NPAS2: variants seen among roughly 807,000 people sequenced by gnomAD.
NPAS2 encodes neuronal PAS domain protein 2, also known as neuronal PAS domain-containing protein 2.
NPAS2 carries 23 observed loss-of-function variants against 107.5 expected under a neutral mutation model. The observed-to-expected ratio is 0.21, with a 90% CI of 0.15 to 0.30. The LOEUF (loss-of-function observed/expected upper bound fraction) is 0.30. Among genes scored for constraint, NPAS2 ranks in the 10% least tolerant of loss-of-function variants. NPAS2 has a pLI of 1.00. For synonymous variants in NPAS2, 403 were observed against 417.5 expected, an observed-to-expected ratio of 0.97 and a Z score of 0.42; for missense variants, 756 against 1,043.3, an observed-to-expected ratio of 0.72 and a Z score of 3.79.
intron 16 of NPAS2, 90 bp downstream of exon 16, chr2:100,982,467 A>C: frequency 6.8e-7 from 1 of 1,481,238 alleles, no homozygotes; most frequent in Non-Finnish European, 9.1e-7. Flanking sequence ...CTTCCTCCCA[A>C]GCCCTGTGAA....
chr2:100,906,886 A>G (rs1307624602), intron 2 of NPAS2, among the ~76,000 whole-genome samples: 3 of 152,232 alleles, frequency 2.0e-5, no homozygotes, highest in Admixed American at 1.3e-4. Flanking sequence ...GGTTGAGTAC[A>G]TTGTCAGAGA....
chr2:100,871,209 C>A (rs1365754793), intron 1 of NPAS2, among the ~76,000 whole-genome samples: 1 of 152,180 alleles, frequency 6.6e-6, no homozygotes, highest in Non-Finnish European at 1.5e-5. Flanking sequence ...TGGCTACTTT[C>A]CCACTGTGGT....
chr2:100,851,494 C>A (rs950994015), intron 1 of NPAS2, among the ~76,000 whole-genome samples: 3 of 152,176 alleles, frequency 2.0e-5, no homozygotes, highest in African/African-American at 7.2e-5. Flanking sequence ...GTAAGCCCAA[C>A]TCAAGGAAAG....
intron 7 of NPAS2, among the ~76,000 whole-genome samples, chr2:100,957,140 C>A (rs1293767202): frequency 6.6e-6 from 1 of 152,218 alleles, no homozygotes. Context: ...CAGGACTTCA[C>A]ATCTTTAACC....
chr2:100,877,348 C>T (rs1680035349), intron 1 of NPAS2, among the ~76,000 whole-genome samples: 1 of 150,864 alleles, frequency 6.6e-6, no homozygotes, highest in South Asian at 2.1e-4. Flanking sequence ...GCCTGTAGTC[C>T]CAGCTACTCT....
intron 15 of NPAS2, among the ~76,000 whole-genome samples, chr2:100,981,442 C>T (rs1222753982): frequency 1.3e-5 from 2 of 152,140 alleles, no homozygotes; most frequent in Non-Finnish European, 2.9e-5. Flanking sequence ...TTCCTGGAAG[C>T]GGAGGAGCCT....
intron 1 of NPAS2, among the ~76,000 whole-genome samples, chr2:100,828,115 G>T (rs561641464): frequency 1.1e-4 from 16 of 152,186 alleles, no homozygotes; most frequent in Non-Finnish European, 2.2e-4. Flanking sequence ...ATTCTGGCTG[G>T]TGTGAGATGG....
At chr2:100,894,979 C>A (rs1416969613) in intron 1 of NPAS2, among the ~76,000 whole-genome samples, 1 of 152,180 alleles carries the variant, frequency 6.6e-6, no homozygotes, top group Non-Finnish European at 1.5e-5. Context: ...TGGCAAGGTG[C>A]CTTTTAAAAT....
At chr2:100,913,221 C>A (rs1194814793) in intron 2 of NPAS2, among the ~76,000 whole-genome samples, 1 of 152,186 alleles carries the variant, frequency 6.6e-6, no homozygotes, top group African/African-American at 2.4e-5. Context: ...ATCTGCATAC[C>A]TATTTGTACC....
At chr2:100,883,745 T>C (rs1490695867) in intron 1 of NPAS2, among the ~76,000 whole-genome samples, 1 of 152,058 alleles carries the variant, frequency 6.6e-6, no homozygotes, top group Non-Finnish European at 1.5e-5. Flanking sequence ...AAACCTCATA[T>C]TTATATGAGG....
intron 1 of NPAS2, among the ~76,000 whole-genome samples, chr2:100,832,785 C>A (rs1303264398): frequency 6.6e-6 from 1 of 152,072 alleles, no homozygotes; most frequent in Non-Finnish European, 1.5e-5. Context: ...TCTTGGGCTC[C>A]CAGTTTCTGG....
At chr2:100,987,813 G>A in intron 16 of NPAS2, 1 of 511,780 alleles carries the variant, frequency 2.0e-6, no homozygotes, top group Non-Finnish European at 3.5e-6. Flanking sequence ...GGTCTAAACA[G>A]CTTTCACATT....
At chr2:100,908,272 A>AGTATG (rs1682298230) in intron 2 of NPAS2, among the ~76,000 whole-genome samples, 1 of 152,122 alleles carries the variant, frequency 6.6e-6, no homozygotes, top group Non-Finnish European at 1.5e-5. Flanking sequence ...GGCACAGTGC[A>AGTATG]GTATGCAGTG....
At chr2:100,934,700 T>C in intron 4 of NPAS2, 1 of 725,940 alleles carries the variant, frequency 1.4e-6, no homozygotes, top group Non-Finnish European at 1.7e-6. Context: ...GACCTAGTGC[T>C]GAGTGACTGG....
intron 1 of NPAS2, among the ~76,000 whole-genome samples, chr2:100,824,859 C>T (rs1676278446): frequency 6.6e-6 from 1 of 152,166 alleles, no homozygotes; most frequent in Non-Finnish European, 1.5e-5. Context: ...AAACCAAGTT[C>T]TAAGAGAATG....
chr2:100,996,622 T>G lies in NPAS2; in HGVS notation c.*1040T>G, dbSNP rs1192281387. 6.5e-6 allele frequency: 1 copy of G among 152,686 alleles called. No individual in the cohort carries two copies. The highest frequency in any genetic ancestry group is 2.4e-5 in the African/African-American group (1 of 41,474). 9.5% of individuals were successfully genotyped at this position (152,686 alleles called of 1,614,324 possible). A position where few individuals can be genotyped will look rare whatever the true frequency, so the allele number is the denominator to read the frequency against. ...GTTGAGATGTTTCTAAAGAAAAGAT[T>G]TTATGTAATTATAAGATGAAGCGTA... On this transcript the variant is annotated 3_prime_UTR_variant, in exon 21 of 21. Transcript: ENST00000335681.
rs544226227 is a variant in NPAS2, at chr2:100,842,707, T to A, written c.-23+22293T>A. Among the ~76,000 whole-genome samples, 12 of 152,266 alleles carry A rather than the reference T, an allele frequency of 7.9e-5. No individual in the cohort carries two copies. The East Asian group carries it at 2.1e-3, about 27-fold the overall frequency. On this transcript the variant is annotated intron_variant, in intron 1 of 20. Transcript: ENST00000335681. ...CCTGTGTCCTTGTCTCTGGGATGTG[T>A]TTGAGGAACTGGACGACAGGTCAGC...
intron 1 of NPAS2, among the ~76,000 whole-genome samples, chr2:100,892,681 G>A (rs1681150054): frequency 6.6e-6 from 1 of 152,048 alleles, no homozygotes; most frequent in African/African-American, 2.4e-5. Flanking sequence ...CCGGCTCTCA[G>A]GCTTTCACTG....
At chr2:100,866,017 T>C (rs1311257641) in intron 1 of NPAS2, among the ~76,000 whole-genome samples, 1 of 152,144 alleles carries the variant, frequency 6.6e-6, no homozygotes, top group African/African-American at 2.4e-5. Flanking sequence ...CCGCCCCTCT[T>C]CAGTCAATGT....
Sources: allele counts gnomAD v4.1 joint callset (sites outside exome capture counted in the v4.1 genomes callset), GRCh38; gene constraint gnomAD v4.1.1; transcripts MANE v1.5; gene names NCBI Gene and HGNC (gene_info 2026-07-23, HGNC 2026-07-21).